LUC7L3: variants seen among roughly 807,000 people sequenced by gnomAD.
LUC7L3 encodes LUC7 like 3 pre-mRNA splicing factor, also known as luc7-like protein 3.
LUC7L3 carries 6 observed loss-of-function variants against 66.8 expected under a neutral mutation model. The ratio of observed to expected loss-of-function variants is 0.09; its 90% confidence interval spans 0.05 to 0.18. The LOEUF (loss-of-function observed/expected upper bound fraction) is 0.18. LUC7L3 is among the 10% of genes least tolerant of loss of function. LUC7L3 has a pLI of 1.00. For missense variants in LUC7L3, 341 were observed against 531.1 expected, an observed-to-expected ratio of 0.64 and a Z score of 3.52; for synonymous variants, 160 against 174.7, an observed-to-expected ratio of 0.92 and a Z score of 0.66.
In LUC7L3 at chr17:50,754,410, A is replaced by G. The variant is rs1343437922; in HGVS notation, c.*3749A>G. 1 of 152,200 alleles carries G rather than the reference A, an allele frequency of 6.6e-6. No individual in the cohort carries two copies. Among genetic ancestry groups the G allele is most frequent in the Non-Finnish European group, 1.5e-5 (1 of 68,024 alleles). 9.4% of individuals were successfully genotyped at this position (152,200 alleles called of 1,614,324 possible). A position where few individuals can be genotyped will look rare whatever the true frequency, so the allele number is the denominator to read the frequency against. On this transcript the variant is annotated 3_prime_UTR_variant, in exon 10 of 10. Transcript: ENST00000505658. ...TTTTCGAGCAAGTCTCAGACACACC[A>G]TTTAATCTGTAAATAATTCAGCATG... is the stretch of plus-strand genomic sequence containing the variant.
chr17:50,740,858 C>T (rs934929018), intron 3 of LUC7L3, among the ~76,000 whole-genome samples: 1 of 152,206 alleles, frequency 6.6e-6, no homozygotes, highest in Non-Finnish European at 1.5e-5. Context: ...CCATGCCCAG[C>T]CCCGATTTTA....
intron 1 of LUC7L3, among the ~76,000 whole-genome samples, chr17:50,729,501 T>C (rs892794469): frequency 6.6e-6 from 1 of 152,180 alleles, no homozygotes; most frequent in Non-Finnish European, 1.5e-5. Context: ...TGGCCAGAGC[T>C]GATCCCGGCT....
At chr17:50,741,048 G>GT in intron 3 of LUC7L3, 54 bp from the exon 4 acceptor site, 1 of 1,567,218 alleles carries the variant, frequency 6.4e-7, no homozygotes, top group Non-Finnish European at 8.8e-7. Context: ...GAATATTTGA[G>GT]TTGTAATGGC....
chr17:50,743,255 G>A (rs1386148504), intron 5 of LUC7L3, among the ~76,000 whole-genome samples: 1 of 151,698 alleles, frequency 6.6e-6, no homozygotes, highest in Non-Finnish European at 1.5e-5. Context: ...CTGGAGTGCA[G>A]TGGCACGATC....
rs1970998958 is a variant in LUC7L3, at chr17:50,752,097, C to G, written c.*1436C>G. Reference sequence around the variant, plus strand: ...AAAAAGAATACAAGCATTCCATGTACACATGTTAATTAGCAGTTAGTGACT... The same window carrying G: ...AAAAAGAATACAAGCATTCCATGTAGACATGTTAATTAGCAGTTAGTGACT... On this transcript the variant is annotated 3_prime_UTR_variant, in exon 10 of 10. Transcript: ENST00000505658. 4 of 1,246,878 alleles carry G rather than the reference C, an allele frequency of 3.2e-6. No individual in the cohort carries two copies. In the South Asian group the frequency reaches 5.4e-5, roughly 17 times the overall value. 77.2% of individuals were successfully genotyped at this position (1,246,878 alleles called of 1,614,324 possible).
intron 4 of LUC7L3, among the ~76,000 whole-genome samples, 196 bp from the exon 5 acceptor site, chr17:50,741,461 A>C (rs1970342919): frequency 1.3e-5 from 2 of 152,092 alleles, no homozygotes; most frequent in South Asian, 4.1e-4. Flanking sequence ...ATTTTTCTTG[A>C]GGCCAAGATT....
chr17:50,739,998 TCTTTAGTGGCAATAAGGAACAGTTTC>T (rs1021841335), intron 2 of LUC7L3, among the ~76,000 whole-genome samples: 3 of 152,222 alleles, frequency 2.0e-5, no homozygotes, highest in African/African-American at 7.2e-5. Flanking sequence ...CCATCAGTTT[TCTTTAGTGGCAATAAGGAACAGTTTC>T]CTTTCACCTT....
At position 50,751,071 on chromosome 17, in the gene LUC7L3, GGCAGAGACATAT is replaced by G. The variant is rs1190585701; in HGVS notation, c.*413_*424del. On this transcript the variant is annotated 3_prime_UTR_variant, in exon 10 of 10. Coordinates refer to ENST00000505658, the MANE Select transcript of LUC7L3 (RefSeq NM_016424.5). Reference sequence around the variant, plus strand: ...TAAGTCCATCTTGTGTTGGTACATTGGCAGAGACATATGCTTTAAAAACTTAAATATTTCGGA... The same window carrying G: ...TAAGTCCATCTTGTGTTGGTACATTGGCTTTAAAAACTTAAATATTTCGGA... 3.9e-5 allele frequency: 56 copies of G among 1,435,960 alleles called. No individual in the cohort carries two copies. Among genetic ancestry groups the G allele is most frequent in the Non-Finnish European group, 5.1e-5 (56 of 1,104,086 alleles). The allele number at this position is 1,435,960 out of a possible 1,614,324, so 89.0% of individuals were successfully genotyped here.
intron 2 of LUC7L3, chr17:50,738,312 G>C (rs991849892): frequency 7.5e-5 from 16 of 214,330 alleles, no homozygotes; most frequent in African/African-American, 3.5e-4. Flanking sequence ...CTTCCAGTCA[G>C]ATTTTGGAAG....
At chr17:50,732,659 G>A (rs1038585789) in intron 1 of LUC7L3, among the ~76,000 whole-genome samples, 24 of 151,742 alleles carry the variant, frequency 1.6e-4, no homozygotes. Flanking sequence ...TGGGATTACA[G>A]GCATAAGCCA....
chr17:50,728,116 CAAAAA>C (rs34210400), intron 1 of LUC7L3, among the ~76,000 whole-genome samples: 1 of 128,520 alleles, frequency 7.8e-6, no homozygotes, highest in Non-Finnish European at 1.7e-5. Context: ...AGATCTGTCT[CAAAAA>C]AAAAAAAAAA....
At chr17:50,747,622 T>G (rs72839277) in intron 9 of LUC7L3, among the ~76,000 whole-genome samples, 12,892 of 152,224 alleles carry the variant, frequency 0.085, 698 homozygotes, top group Middle Eastern at 0.16. Flanking sequence ...GTCTTTTGTG[T>G]GTTGTTTGTT....
chr17:50,740,139 G>T, intron 2 of LUC7L3, 167 bp from the exon 3 acceptor site: 1 of 574,572 alleles, frequency 1.7e-6, no homozygotes, highest in Non-Finnish European at 3.0e-6. Flanking sequence ...TATCCTATTT[G>T]GTTATGATGC....
At chr17:50,727,103 A>G (rs1040544353) in intron 1 of LUC7L3, among the ~76,000 whole-genome samples, 2 of 152,146 alleles carry the variant, frequency 1.3e-5, no homozygotes, top group African/African-American at 4.8e-5. Flanking sequence ...AAAAAAGAAT[A>G]CAGTATATAA....
chr17:50,736,940 C>T lies in LUC7L3; in HGVS notation c.100-20C>T, dbSNP rs975308635. ...TTAAAACCAAGCAATTTTTTAAGTA[C>T]CTTTGTTTTTCTTTACTAGGTTTGT... On this transcript the variant is annotated intron_variant, in intron 1 of 9. Transcript: ENST00000505658. 2 of 1,558,960 alleles carry T rather than the reference C, an allele frequency of 1.3e-6. No homozygotes were observed. Among genetic ancestry groups the T allele is most frequent in the African/African-American group, 2.7e-5 (2 of 73,658 alleles).
chr17:50,743,220 A>C (rs566841631), intron 5 of LUC7L3, among the ~76,000 whole-genome samples: 2 of 150,158 alleles, frequency 1.3e-5, no homozygotes, highest in African/African-American at 4.9e-5. Flanking sequence ...AAAAAAAAAA[A>C]CAGAGTCTCA....
At chr17:50,745,618 C>A in intron 7 of LUC7L3, 102 bp from the exon 8 acceptor site, 1 of 812,142 alleles carries the variant, frequency 1.2e-6, no homozygotes, top group Non-Finnish European at 2.0e-6. Context: ...TTAAGGGCAT[C>A]AATTCCATAA....
intron 9 of LUC7L3, chr17:50,749,443 T>TA: frequency 9.5e-7 from 1 of 1,057,302 alleles, no homozygotes; most frequent in Non-Finnish European, 1.2e-6. Flanking sequence ...CTTTGTGTAT[T>TA]ATGCAAGTGT....
At chr17:50,730,704 G>A (rs2146713108) in intron 1 of LUC7L3, among the ~76,000 whole-genome samples, 1 of 152,154 alleles carries the variant, frequency 6.6e-6, no homozygotes, top group Middle Eastern at 3.4e-3. Context: ...ACTTTGGGAG[G>A]CTGAGGTGGG....
Sources: gnomAD v4.1 joint callset for allele counts (sites outside exome capture counted in the v4.1 genomes callset) on GRCh38, gnomAD v4.1.1 for gene constraint, MANE v1.5 for transcripts, NCBI Gene and HGNC (gene_info 2026-07-23, HGNC 2026-07-21) for gene names.